DGKI: variants seen among roughly 807,000 people sequenced by gnomAD.
The protein encoded by DGKI is DAG kinase iota.
A neutral mutation model predicts 147.5 loss-of-function variants in DGKI; 55 were observed. The observed-to-expected ratio is 0.37, with a 90% CI of 0.30 to 0.47. The LOEUF (loss-of-function observed/expected upper bound fraction) is 0.47. Ranked by LOEUF, DGKI falls within the 20% of genes least tolerant of loss-of-function variation. The probability of loss-of-function intolerance (pLI) is 1.00; values close to 1 mark genes in which losing one functional copy is unlikely to be tolerated. For synonymous variants in DGKI, 469 were observed against 477.1 expected, an observed-to-expected ratio of 0.98 and a Z score of 0.22; for missense variants, 1,007 against 1,323.8, an observed-to-expected ratio of 0.76 and a Z score of 3.71.
chr7:137,546,631 T>C (rs1817876468), intron 20 of DGKI, among the ~76,000 whole-genome samples: 1 of 152,218 alleles, frequency 6.6e-6, no homozygotes. Context: ...CTCCCTTCTT[T>C]TATATTGGAG....
At chr7:137,489,882 T>C (rs931735188) in intron 21 of DGKI, among the ~76,000 whole-genome samples, 1 of 152,182 alleles carries the variant, frequency 6.6e-6, no homozygotes, top group Non-Finnish European at 1.5e-5. Flanking sequence ...GTTAGTCTGG[T>C]CCAAGTATAA....
intron 21 of DGKI, among the ~76,000 whole-genome samples, chr7:137,491,475 C>A (rs376785442): frequency 6.6e-6 from 1 of 152,160 alleles, no homozygotes; most frequent in Admixed American, 6.6e-5. Context: ...ATTTATAAGG[C>A]TCAAGGCAAG....
chr7:137,600,824 C>CA (rs1345558756), intron 10 of DGKI, among the ~76,000 whole-genome samples: 1 of 152,162 alleles, frequency 6.6e-6, no homozygotes, highest in African/African-American at 2.4e-5. Flanking sequence ...TTTCAATCTC[C>CA]ATGCCTATAC....
chr7:137,648,365 A>G (rs556142379), intron 5 of DGKI, among the ~76,000 whole-genome samples: 26 of 152,348 alleles, frequency 1.7e-4, no homozygotes, highest in South Asian at 4.1e-4. Context: ...TACTCAAAAG[A>G]GTCAGCCAAC....
At chr7:137,712,953 GC>G (rs1039542400) in intron 1 of DGKI, among the ~76,000 whole-genome samples, 63 of 152,248 alleles carry the variant, frequency 4.1e-4, no homozygotes, top group African/African-American at 1.4e-3. Context: ...AAAATGGTCA[GC>G]CAGCTTCAGC....
chr7:137,418,849 A>T (rs1342371340), intron 28 of DGKI, among the ~76,000 whole-genome samples: 2 of 152,234 alleles, frequency 1.3e-5, no homozygotes, highest in African/African-American at 4.8e-5. Context: ...AGCTTTGCCA[A>T]GTTCTGTGAA....
intron 23 of DGKI, among the ~76,000 whole-genome samples, chr7:137,476,747 C>T (rs1815184988): frequency 1.3e-5 from 2 of 152,308 alleles, no homozygotes; most frequent in South Asian, 4.1e-4. Flanking sequence ...ACCTCTTCTC[C>T]TGCATGTAAG....
chr7:137,840,209 T>C (rs530898562), intron 1 of DGKI, among the ~76,000 whole-genome samples: 1 of 152,306 alleles, frequency 6.6e-6, no homozygotes, highest in Admixed American at 6.5e-5. Flanking sequence ...TTTTATTAAG[T>C]GGGTTAAAAA....
At chr7:137,845,757 G>T (rs1035286283) in intron 1 of DGKI, among the ~76,000 whole-genome samples, 1 of 152,014 alleles carries the variant, frequency 6.6e-6, no homozygotes, top group Admixed American at 6.5e-5. Context: ...GTGCAAATAT[G>T]GTCCCCACTC....
intron 1 of DGKI, among the ~76,000 whole-genome samples, chr7:137,694,319 CAAA>C (rs56163124): frequency 6.4e-5 from 5 of 77,732 alleles, no homozygotes; most frequent in Admixed American, 1.5e-4. Flanking sequence ...GACTCCGTCT[CAAA>C]AAAAAAAAAA....
At chr7:137,832,326 G>T (rs1163515778) in intron 1 of DGKI, among the ~76,000 whole-genome samples, 1 of 152,222 alleles carries the variant, frequency 6.6e-6, no homozygotes, top group Non-Finnish European at 1.5e-5. Context: ...CCCCTGTAGT[G>T]AACTTCTGCC....
At chr7:137,824,446 A>C (rs1797995557) in intron 1 of DGKI, among the ~76,000 whole-genome samples, 1 of 149,628 alleles carries the variant, frequency 6.7e-6, no homozygotes, top group Admixed American at 6.8e-5. Flanking sequence ...AACCTTGGAA[A>C]TAGAGATTGC....
chr7:137,393,820 G>C (rs1585071134), intron 32 of DGKI, among the ~76,000 whole-genome samples: 1 of 152,148 alleles, frequency 6.6e-6, no homozygotes, highest in African/African-American at 2.4e-5. Flanking sequence ...AGAGTTCTAT[G>C]TAATACAACT....
Position 137,594,532 on chromosome 7 carries a change from C to T in DGKI, c.1311+3315G>A, listed in dbSNP as rs147294649. Among the ~76,000 whole-genome samples the T allele has an allele frequency of 2.3e-3, 356 of 152,244 alleles. 2 individuals are homozygous for T. The highest frequency in any genetic ancestry group is 8.4e-3 in the African/African-American group (347 of 41,532). ...CTCATCCCAGTCAGTGAAAAATATT[C>T]AATTTCTGATTTCTCCCTAAGCTTT... On this transcript the variant is annotated intron_variant, in intron 12 of 32. Coordinates refer to ENST00000614521, the MANE Select transcript of DGKI (RefSeq NM_001321708.2).
At chr7:137,828,680 T>C (rs769392040) in intron 1 of DGKI, among the ~76,000 whole-genome samples, 9 of 152,190 alleles carry the variant, frequency 5.9e-5, no homozygotes, top group Non-Finnish European at 1.0e-4. Context: ...AAGCACCAGA[T>C]AGAATCCACA....
chr7:137,685,148 C>T (rs112666304), intron 2 of DGKI, among the ~76,000 whole-genome samples: 64 of 152,202 alleles, frequency 4.2e-4, no homozygotes, highest in South Asian at 1.5e-3. Flanking sequence ...TTCTTAGCAT[C>T]GTCAACTAAA....
intron 1 of DGKI, among the ~76,000 whole-genome samples, chr7:137,840,875 G>C (rs1798524889): frequency 6.6e-6 from 1 of 152,216 alleles, no homozygotes; most frequent in African/African-American, 2.4e-5. Flanking sequence ...AAATGATCAG[G>C]TGCAAGTTCT....
At chr7:137,599,333 A>C (rs1372907727) in intron 11 of DGKI, among the ~76,000 whole-genome samples, 1 of 152,116 alleles carries the variant, frequency 6.6e-6, no homozygotes, top group Non-Finnish European at 1.5e-5. Context: ...TCTTCCCCAC[A>C]TTTGTGCAGA....
At chr7:137,766,883 A>G (rs1269197932) in intron 1 of DGKI, among the ~76,000 whole-genome samples, 5 of 152,172 alleles carry the variant, frequency 3.3e-5, no homozygotes, top group Non-Finnish European at 7.3e-5. Context: ...AGCCCCAGGA[A>G]CAAGTCTGGG....
Sources: allele counts gnomAD v4.1 joint callset (sites outside exome capture counted in the v4.1 genomes callset), GRCh38; gene constraint gnomAD v4.1.1; transcripts MANE v1.5; gene names NCBI Gene and HGNC (gene_info 2026-07-23, HGNC 2026-07-21).